The following HDAC9 variants were observed in gnomAD, a reference collection of about 807,000 sequenced individuals.
HDAC9 encodes the protein histone deacetylase 9.
HDAC9 carries 41 observed loss-of-function variants against 139.4 expected under a neutral mutation model. That is an observed-to-expected ratio of 0.29 (90% CI 0.23 to 0.38). The LOEUF is 0.38. Ranked by LOEUF, HDAC9 falls within the 10% of genes least tolerant of loss-of-function variation. HDAC9 has a pLI of 1.00. For missense variants in HDAC9, 1,147 were observed against 1,297.0 expected (o/e 0.88, Z 1.78); for synonymous variants, 517 against 476.2 (o/e 1.09, Z -1.12).
At chr7:18,558,675 A>G (rs1307094707) in intron 2 of HDAC9, among the ~76,000 whole-genome samples, 1 of 152,222 alleles carries the variant, frequency 6.6e-6, no homozygotes, top group Non-Finnish European at 1.5e-5. Context: ...ACTAGCACTG[A>G]AAGAGAAGTC....
chr7:18,827,947 G>A (rs974842956), intron 17 of HDAC9, among the ~76,000 whole-genome samples: 7 of 151,994 alleles, frequency 4.6e-5, no homozygotes, highest in Non-Finnish European at 7.4e-5. Flanking sequence ...CCATCAGAGC[G>A]ATAGTAAGTG....
chr7:18,817,691 G>A lies in HDAC9; in HGVS notation c.2323-11470G>A, dbSNP rs527391587. On this transcript the variant is annotated intron_variant, in intron 17 of 25. Coordinates refer to ENST00000686413, the MANE Select transcript of HDAC9 (RefSeq NM_178425.4). ...CATCAGGTAAGAGACGTGTACACAT[G>A]GCAAGCAAGATGATTGGGAGGTTAG... is the stretch of plus-strand genomic sequence containing the variant. Among the ~76,000 whole-genome samples, 48 of 152,192 alleles carry A rather than the reference G, an allele frequency of 3.2e-4. No homozygotes were observed. The East Asian group carries it at 8.7e-3, about 28-fold the overall frequency.
intron 1 of HDAC9, among the ~76,000 whole-genome samples, chr7:18,118,920 G>C (rs1784189053): frequency 6.6e-6 from 1 of 152,196 alleles, no homozygotes; most frequent in South Asian, 2.1e-4. Context: ...GCTGAATGCA[G>C]GTAGCTTAGA....
chr7:18,397,496 C>G (rs764104060), intron 1 of HDAC9, among the ~76,000 whole-genome samples: 35 of 152,248 alleles, frequency 2.3e-4, no homozygotes, highest in Admixed American at 1.8e-3. Flanking sequence ...ACTTTATTCA[C>G]TGTTTTAGGA....
At chr7:18,307,995 A>C (rs1024405508) in intron 1 of HDAC9, among the ~76,000 whole-genome samples, 1 of 152,230 alleles carries the variant, frequency 6.6e-6, no homozygotes, top group Non-Finnish European at 1.5e-5. Context: ...AATACTTGGA[A>C]GCTTTTCAAA....
intron 2 of HDAC9, among the ~76,000 whole-genome samples, chr7:18,501,359 A>G (rs991772001): frequency 3.3e-5 from 5 of 152,060 alleles, no homozygotes; most frequent in Non-Finnish European, 7.4e-5. Flanking sequence ...CTGAGCAGGG[A>G]CAGACTCCCT....
intron 12 of HDAC9, among the ~76,000 whole-genome samples, chr7:18,684,630 ATC>A: frequency 6.6e-6 from 1 of 152,140 alleles, no homozygotes; most frequent in Non-Finnish European, 1.5e-5. Flanking sequence ...AAAATGACAT[ATC>A]TCTTAATTTT....
At chr7:18,656,669 A>G (rs899877622) in intron 11 of HDAC9, among the ~76,000 whole-genome samples, 4 of 152,196 alleles carry the variant, frequency 2.6e-5, no homozygotes, top group African/African-American at 7.2e-5. Flanking sequence ...TGTAAACATG[A>G]TAAGCACCAC....
intron 24 of HDAC9, among the ~76,000 whole-genome samples, chr7:18,957,511 T>C (rs1783236871): frequency 6.6e-6 from 1 of 152,174 alleles, no homozygotes; most frequent in South Asian, 2.1e-4. Flanking sequence ...AGGACCCTAA[T>C]TGTGTTCCTC....
At chr7:18,218,256 C>A (rs1322674890) in intron 2 of HDAC9, among the ~76,000 whole-genome samples, 3 of 151,970 alleles carry the variant, frequency 2.0e-5, no homozygotes, top group Admixed American at 6.6e-5. Flanking sequence ...CCAGCCTGGC[C>A]AACTTGGTAA....
intron 14 of HDAC9, among the ~76,000 whole-genome samples, chr7:18,758,945 AAT>A (rs1321193595): frequency 6.9e-6 from 1 of 145,456 alleles, no homozygotes; most frequent in Non-Finnish European, 1.5e-5. Flanking sequence ...ATTTTTTAAA[AAT>A]ACTTTTAATA....
chr7:18,879,862 G>A (rs1799595160), intron 22 of HDAC9, among the ~76,000 whole-genome samples: 1 of 152,092 alleles, frequency 6.6e-6, no homozygotes, highest in Non-Finnish European at 1.5e-5. Context: ...ACTATGAACA[G>A]GGTTAACAGA....
At chr7:18,389,720 G>A (rs1040638942) in intron 1 of HDAC9, among the ~76,000 whole-genome samples, 4 of 152,282 alleles carry the variant, frequency 2.6e-5, no homozygotes, top group African/African-American at 9.6e-5. Flanking sequence ...TTACCTTAAA[G>A]ACAGTTGGAC....
At position 18,541,537 on chromosome 7, in the gene HDAC9, T is replaced by C. The variant is rs948758256; in HGVS notation, c.23-43744T>C. Among the ~76,000 whole-genome samples, 4 of 152,182 alleles carry C rather than the reference T, an allele frequency of 2.6e-5. No individual in the cohort carries two copies. In the East Asian group the frequency reaches 7.7e-4, roughly 29 times the overall value. ...TTTCTCTGGTTGGAATTTCCTAATG[T>C]CTAAAATATTCCATTCTGTGTTACT... On this transcript the variant is annotated intron_variant, in intron 2 of 25. Coordinates refer to ENST00000686413, the MANE Select transcript of HDAC9 (RefSeq NM_178425.4).
At position 18,591,594 on chromosome 7, in the gene HDAC9, C is replaced by T. The variant is rs140585698; in HGVS notation, c.494C>T (p.Thr165Ile). Reference sequence around the variant, plus strand: ...AAATCAGCAACGAAAGACACTCCAACTAATGGAAAAAATCATTCCGTGAGC... The same window carrying T: ...AAATCAGCAACGAAAGACACTCCAATTAATGGAAAAAATCATTCCGTGAGC... ...LSKSATKDTP[T>I]NGKNHSVSRH... is the part of the protein sequence containing the mutation. The change falls in exon 5 of 26, where the codon ACT becomes ATT. Residue 165 changes from threonine (T) to isoleucine (I), a missense_variant. Around this residue, in one of 7 missense-constraint regions of HDAC9, gnomAD observed 79 missense variants for 65.8 expected, o/e 1.20. Coordinates refer to ENST00000686413, the MANE Select transcript of HDAC9 (RefSeq NM_178425.4). The T allele has an allele frequency of 1.2e-6, 2 of 1,613,384 alleles. No homozygotes were observed. The highest frequency in any genetic ancestry group is 3.3e-5 in the Admixed American group (2 of 59,864).
At chr7:18,661,253 G>A (rs1367908356) in intron 11 of HDAC9, among the ~76,000 whole-genome samples, 2 of 152,132 alleles carry the variant, frequency 1.3e-5, no homozygotes, top group Non-Finnish European at 2.9e-5. Flanking sequence ...GGCTCATGCA[G>A]TTGGGTAAAG....
chr7:18,123,789 T>C (rs1326074587), intron 1 of HDAC9, among the ~76,000 whole-genome samples: 2 of 152,194 alleles, frequency 1.3e-5, no homozygotes, highest in Non-Finnish European at 2.9e-5. Context: ...ACTTGAATAC[T>C]AGAGTTAATT....
chr7:18,707,923 G>A (rs1784062158), intron 12 of HDAC9, among the ~76,000 whole-genome samples: 1 of 151,844 alleles, frequency 6.6e-6, no homozygotes, highest in Non-Finnish European at 1.5e-5. Flanking sequence ...TGGAAGCGAT[G>A]AGAGCATTTT....
At chr7:18,552,841 G>A (rs1177024678) in intron 2 of HDAC9, among the ~76,000 whole-genome samples, 3 of 152,184 alleles carry the variant, frequency 2.0e-5, no homozygotes, top group African/African-American at 7.2e-5. Flanking sequence ...GCATTTCAGT[G>A]TGTATGTGTG....
Sources: allele counts gnomAD v4.1 joint callset (sites outside exome capture counted in the v4.1 genomes callset), GRCh38; gene constraint gnomAD v4.1.1; regional missense constraint gnomAD v4.1.1; transcripts MANE v1.5; gene names NCBI Gene and HGNC (gene_info 2026-07-23, HGNC 2026-07-21).